ZNF33B: variants seen among roughly 807,000 people sequenced by gnomAD.
ZNF33B encodes zinc finger protein 11b (KOX 2).
Under a neutral mutation model 45.8 loss-of-function variants are expected in ZNF33B, and 29 were observed. That is an observed-to-expected ratio of 0.63 (90% CI 0.47 to 0.86). The LOEUF (loss-of-function observed/expected upper bound fraction) is 0.86. ZNF33B is among the 40% of genes least tolerant of loss of function. The pLI is 0.00. For synonymous variants in ZNF33B, 305 were observed against 307.8 expected, an observed-to-expected ratio of 0.99 and a Z score of 0.10; for missense variants, 831 against 909.9, an observed-to-expected ratio of 0.91 and a Z score of 1.12.
intron 4 of ZNF33B, among the ~76,000 whole-genome samples, chr10:42,619,981 C>T (rs1188650071): frequency 2.0e-5 from 3 of 151,868 alleles, no homozygotes; most frequent in Admixed American, 6.6e-5. Flanking sequence ...TTTGGGAGGC[C>T]GAAATGGGTG....
chr10:42,598,802 A>G (rs1469212579), intron 4 of ZNF33B, among the ~76,000 whole-genome samples: 3 of 152,184 alleles, frequency 2.0e-5, no homozygotes, highest in African/African-American at 7.2e-5. Flanking sequence ...TCTAATCACT[A>G]GTGTTTTTGA....
At chr10:42,631,184 C>T (rs140855960) in intron 4 of ZNF33B, among the ~76,000 whole-genome samples, 81 of 152,022 alleles carry the variant, frequency 5.3e-4, no homozygotes, top group African/African-American at 1.9e-3. Flanking sequence ...TACTTAGAGA[C>T]ATAATTTTGT....
intron 1 of ZNF33B, chr10:42,582,904 C>A (rs192321255): frequency 4.1e-6 from 2 of 482,608 alleles, no homozygotes; most frequent in East Asian, 7.6e-5. Context: ...TCTCTTTAGG[C>A]TGTTTCCAAA....
chr10:42,616,253 G>C (rs1838309214), intron 4 of ZNF33B, among the ~76,000 whole-genome samples: 1 of 151,964 alleles, frequency 6.6e-6, no homozygotes, highest in South Asian at 2.1e-4. Context: ...AAAAAAATTT[G>C]TCAGGAAGGT....
chr10:42,604,556 A>T (rs1182687719), intron 4 of ZNF33B, among the ~76,000 whole-genome samples: 1 of 152,230 alleles, frequency 6.6e-6, no homozygotes, highest in African/African-American at 2.4e-5. Flanking sequence ...GACAGAAAAG[A>T]ATACAATGAA....
chr10:42,594,826 T>A, intron 4 of ZNF33B, 127 bp from the exon 5 acceptor site: 2 of 1,059,654 alleles, frequency 1.9e-6, no homozygotes, highest in South Asian at 4.6e-5. Flanking sequence ...GAGATGAACA[T>A]AATTGCAAGT....
chr10:42,611,075 T>C (rs571978026), intron 4 of ZNF33B, among the ~76,000 whole-genome samples: 1 of 152,324 alleles, frequency 6.6e-6, no homozygotes, highest in South Asian at 2.1e-4. Flanking sequence ...CTGGTCGTGG[T>C]AGCTCACGCC....
In ZNF33B at chr10:42,594,243, G is replaced by T; in HGVS notation, c.707C>A (p.Thr236Lys). The T allele has an allele frequency of 1.9e-6, 3 of 1,613,728 alleles. No individual in the cohort carries two copies. The highest frequency in any genetic ancestry group is 2.5e-6 in the Non-Finnish European group (3 of 1,179,928). The change falls in exon 5 of 5, where the codon ACA (threonine) becomes AAA (lysine). Residue 236 changes from threonine (T) to lysine (K), a missense_variant. By Grantham distance (78) the Thr-to-Lys change is moderately conservative. Coordinates refer to ENST00000359467, the MANE Select transcript of ZNF33B (RefSeq NM_006955.3). ...ETLLEKAVFN[T>K]RKRENAEENN... ...CTCTTCTGCATTCTCTCTCTTCCGT[G>T]TATTGAATACTGCCTTTTCAAGGAG...
intron 4 of ZNF33B, among the ~76,000 whole-genome samples, chr10:42,625,213 A>G (rs1838753220): frequency 6.6e-6 from 1 of 152,082 alleles, no homozygotes; most frequent in African/African-American, 2.4e-5. Flanking sequence ...ATCTATCAAG[A>G]GACCACGTAT....
At chr10:42,632,182 C>G (rs1190832255) in intron 3 of ZNF33B, 113 bp downstream of exon 3, 1 of 1,514,712 alleles carries the variant, frequency 6.6e-7, no homozygotes, top group Non-Finnish European at 8.9e-7. Flanking sequence ...AACACTGACT[C>G]CTGAAGCCTA....
chr10:42,611,445 T>C (rs1056598033), intron 4 of ZNF33B, among the ~76,000 whole-genome samples: 2 of 152,110 alleles, frequency 1.3e-5, no homozygotes, highest in East Asian at 1.9e-4. Context: ...CCTCACACCA[T>C]ATACAAAAAC....
chr10:42,622,968 AAAAG>A (rs1269583289), intron 4 of ZNF33B, among the ~76,000 whole-genome samples: 1 of 152,190 alleles, frequency 6.6e-6, no homozygotes, highest in Non-Finnish European at 1.5e-5. Context: ...GATAAGCAAC[AAAAG>A]AAAGAGTAGG....
downstream of ZNF33B, among the ~76,000 whole-genome samples, chr10:42,587,602 C>T (rs1359439925): frequency 6.6e-6 from 1 of 152,178 alleles, no homozygotes; most frequent in Non-Finnish European, 1.5e-5. Flanking sequence ...GTGGATGTCA[C>T]AGTCACTCTC....
At chr10:42,612,628 T>A (rs1253190485) in intron 4 of ZNF33B, among the ~76,000 whole-genome samples, 1 of 152,166 alleles carries the variant, frequency 6.6e-6, no homozygotes, top group Non-Finnish European at 1.5e-5. Context: ...GATTTTTGCA[T>A]CTACATTCAT....
chr10:42,628,737 T>C (rs772479956), intron 4 of ZNF33B, among the ~76,000 whole-genome samples: 24 of 152,202 alleles, frequency 1.6e-4, no homozygotes, highest in Non-Finnish European at 1.3e-4. Context: ...TGGAGCAAGA[T>C]GGTGGAATAG....
intron 3 of ZNF33B, 107 bp from the exon 4 acceptor site, chr10:42,632,131 T>A: frequency 3.4e-6 from 5 of 1,480,334 alleles, no homozygotes; most frequent in Admixed American, 1.8e-5. Context: ...TGGAACATTT[T>A]CACTGGAGAG....
downstream of ZNF33B, among the ~76,000 whole-genome samples, chr10:42,585,516 G>A (rs185129445): frequency 1.3e-3 from 203 of 152,298 alleles, 1 homozygote; most frequent in Non-Finnish European, 2.3e-3. Flanking sequence ...AGTTCTTACT[G>A]GAGGAGATGG....
chr10:42,633,340 G>A (rs1839138739), intron 2 of ZNF33B, among the ~76,000 whole-genome samples: 1 of 152,162 alleles, frequency 6.6e-6, no homozygotes, highest in African/African-American at 2.4e-5. Context: ...AGGGATCACT[G>A]CTGTGAAAAA....
intron 2 of ZNF33B, among the ~76,000 whole-genome samples, chr10:42,636,364 G>T (rs1839299989): frequency 6.6e-6 from 1 of 152,284 alleles, no homozygotes; most frequent in Admixed American, 6.5e-5. Context: ...GAGTCAGTTT[G>T]TCTGTATCCA....
Sources: gnomAD v4.1 joint callset for allele counts (sites outside exome capture counted in the v4.1 genomes callset) on GRCh38, gnomAD v4.1.1 for gene constraint, MANE v1.5 for transcripts, NCBI Gene and HGNC (gene_info 2026-07-23, HGNC 2026-07-21) for gene names.